The following KANK1 variants were observed in gnomAD, a reference collection of about 807,000 sequenced individuals.
The protein encoded by KANK1 is KN motif and ankyrin repeat domain-containing protein 1.
In KANK1, 109 loss-of-function variants were observed where a neutral mutation model predicts 106.2. That is an observed-to-expected ratio of 1.03 (90% CI 0.88 to 1.20). The LOEUF is 1.20. KANK1 is among the 50% of genes most tolerant of loss of function. The probability of loss-of-function intolerance (pLI) is 0.00; values close to 1 mark genes in which losing one functional copy is unlikely to be tolerated. For missense variants in KANK1, 2,399 were observed against 1,710.7 expected (o/e 1.40, Z -7.10); for synonymous variants, 873 against 652.2 (o/e 1.34, Z -5.16).
Position 710,882 on chromosome 9 carries a change from A to G in KANK1, c.116A>G (p.Tyr39Cys), listed in dbSNP as rs1456425477. ...DPYFVETPYG[Y>C]QLDLDFLKYV... The stretch of plus-strand genomic sequence containing the variant: ...TACTTTGTGGAGACCCCCTATGGTT[A>G]TCAACTAGACTTAGATTTCCTCAAA... Residue 39 changes from tyrosine to cysteine, a missense_variant, in exon 3 of 12, where the codon TAT (tyrosine) becomes TGT (cysteine). Transcript: ENST00000382297. The G allele has an allele frequency of 6.2e-7, 1 of 1,614,146 alleles. No individual in the cohort carries two copies. Among genetic ancestry groups the G allele is most frequent in the African/African-American group, 1.3e-5 (1 of 75,048 alleles).
At position 642,627 on chromosome 9, in the gene KANK1, C is replaced by G. The variant is rs541098779; in HGVS notation, c.-83-34263C>G. Reference sequence around the variant, plus strand: ...TATGAATTACCAGCTGATAAAATTCCCCTCCTTTGAGTGGGAGAAAAATTC... The same window carrying G: ...TATGAATTACCAGCTGATAAAATTCGCCTCCTTTGAGTGGGAGAAAAATTC... On this transcript the variant is annotated intron_variant, in intron 1 of 11. Coordinates refer to ENST00000382297, the MANE Select transcript of KANK1 (RefSeq NM_015158.5). Among the ~76,000 whole-genome samples, 50 of 150,924 alleles carry G rather than the reference C, an allele frequency of 3.3e-4. 1 individual carries two copies. The highest frequency in any genetic ancestry group is 1.2e-3 in the African/African-American group (49 of 40,276).
In KANK1 at chr9:713,990, G is replaced by A. The variant is rs547971965; in HGVS notation, c.2698+526G>A. On this transcript the variant is annotated intron_variant, in intron 3 of 11. Transcript: ENST00000382297. ...GCAATGGTACACATCCGTAGTCCCAGCTACTCTAGAGGCTGAGGCGGGAGG... is the reference window on the plus strand; with the variant it reads ...GCAATGGTACACATCCGTAGTCCCAACTACTCTAGAGGCTGAGGCGGGAGG... 2.6e-5 allele frequency among the ~76,000 whole-genome samples: 4 copies of A among 152,282 alleles called. No individual in the cohort carries two copies. The South Asian group carries it at 8.3e-4, about 32-fold the overall frequency.
chr9:641,797 TGGTTTTTTA>T (rs1346221706), intron 1 of KANK1, among the ~76,000 whole-genome samples: 1 of 152,238 alleles, frequency 6.6e-6, no homozygotes, highest in Non-Finnish European at 1.5e-5. Flanking sequence ...TCATACATTT[TGGTTTTTTA>T]AGGACTACTT....
At chr9:504,982 C>T (rs941383684) in intron 1 of KANK1, among the ~76,000 whole-genome samples, 44 of 150,846 alleles carry the variant, frequency 2.9e-4, no homozygotes, top group Non-Finnish European at 4.7e-4. Flanking sequence ...CGAGAGGTGG[C>T]GTCGGCCCCG....
At chr9:653,908 C>G (rs1056115453) in intron 1 of KANK1, among the ~76,000 whole-genome samples, 1 of 152,124 alleles carries the variant, frequency 6.6e-6, no homozygotes, top group Non-Finnish European at 1.5e-5. Context: ...CTTTTTAAAG[C>G]TCCCATCACA....
intron 1 of KANK1, among the ~76,000 whole-genome samples, chr9:676,496 A>G (rs1342349761): frequency 6.6e-6 from 1 of 152,218 alleles, no homozygotes; most frequent in African/African-American, 2.4e-5. Context: ...TTGCTTTGAA[A>G]TTGCAGTTGA....
At chr9:492,965 G>T (rs752778582) in intron 3 of KANK1, among the ~76,000 whole-genome samples, 25 of 151,214 alleles carry the variant, frequency 1.7e-4, no homozygotes, top group Non-Finnish European at 1.5e-5. Context: ...CAGAGGTTGC[G>T]GTGAGCTGAG....
chr9:586,314 T>G (rs1823452478), intron 1 of KANK1, among the ~76,000 whole-genome samples: 1 of 152,188 alleles, frequency 6.6e-6, no homozygotes. Context: ...TATTCAAGGT[T>G]ACAGGAATAG....
chr9:542,753 A>G (rs1291205937), intron 1 of KANK1, among the ~76,000 whole-genome samples: 2 of 152,216 alleles, frequency 1.3e-5, no homozygotes, highest in African/African-American at 4.8e-5. Flanking sequence ...ATTTGCAGCA[A>G]TATAGATGAA....
Position 745,168 on chromosome 9 carries a change from T to TA in KANK1, c.3997-5_3997-4insA. Reference sequence around the variant, plus strand: ...CCCCAGTTTTTTTCCTTTCCTGGTCTCTAGGGCACCCCTAGGCTTGGAAGG... The same window carrying TA: ...CCCCAGTTTTTTTCCTTTCCTGGTCTACTAGGGCACCCCTAGGCTTGGAAGG... On this transcript the variant is annotated splice_polypyrimidine_tract_variant and splice_region_variant and intron_variant, in intron 11 of 11. Coordinates refer to ENST00000382297, the MANE Select transcript of KANK1 (RefSeq NM_015158.5). 6.2e-7 allele frequency: 1 copy of TA among 1,613,852 alleles called. No individual in the cohort carries two copies. The highest frequency in any genetic ancestry group is 1.6e-4 in the Middle Eastern group (1 of 6,062).
intron 1 of KANK1, among the ~76,000 whole-genome samples, chr9:664,323 T>C (rs1844070079): frequency 6.6e-6 from 1 of 152,194 alleles, no homozygotes; most frequent in Non-Finnish European, 1.5e-5. Flanking sequence ...ACATGCGACA[T>C]TGTCTTTCTG....
At chr9:558,340 G>C (rs1815420799) in intron 1 of KANK1, among the ~76,000 whole-genome samples, 1 of 152,208 alleles carries the variant, frequency 6.6e-6, no homozygotes, top group Non-Finnish European at 1.5e-5. Flanking sequence ...AGTCGCTGTG[G>C]ACATAATTAG....
intron 1 of KANK1, among the ~76,000 whole-genome samples, chr9:666,373 T>C (rs1844583647): frequency 6.6e-6 from 1 of 152,204 alleles, no homozygotes; most frequent in African/African-American, 2.4e-5. Context: ...TTTTTAAAAA[T>C]AGAAGATCCT....
At position 672,298 on chromosome 9, in the gene KANK1, ATAACTGT is replaced by A. The variant is rs555293895; in HGVS notation, c.-83-4588_-83-4582del. On this transcript the variant is annotated intron_variant, in intron 1 of 11. Coordinates refer to ENST00000382297, the MANE Select transcript of KANK1 (RefSeq NM_015158.5). ...GTTGTTGTGAAGTTTAAACAAGGTAATAACTGTTAAGTGTTTTTAAAAGTCCCTTGAA... is the reference window on the plus strand; with the variant it reads ...GTTGTTGTGAAGTTTAAACAAGGTAATAAGTGTTTTTAAAAGTCCCTTGAA... Among the ~76,000 whole-genome samples the A allele has an allele frequency of 5.3e-3, 814 of 152,342 alleles. 8 individuals carry two copies. The highest frequency in any genetic ancestry group is 0.019 in the African/African-American group (780 of 41,574).
intron 1 of KANK1, among the ~76,000 whole-genome samples, chr9:513,630 G>A (rs893928008): frequency 1.3e-5 from 2 of 152,128 alleles, no homozygotes; most frequent in Admixed American, 6.5e-5. Context: ...CTTGGTTAGT[G>A]GCAAGAATGT....
intron 1 of KANK1, among the ~76,000 whole-genome samples, chr9:614,729 G>A (rs4373575): frequency 0.29 from 43,923 of 151,996 alleles, 6,728 homozygotes; most frequent in African/African-American, 0.36. Flanking sequence ...AAACTGCTGG[G>A]CTAGAGATTT....
intron 1 of KANK1, among the ~76,000 whole-genome samples, chr9:626,142 C>G (rs1005389357): frequency 2.0e-5 from 3 of 152,122 alleles, no homozygotes; most frequent in African/African-American, 7.2e-5. Flanking sequence ...AAATAAGCAA[C>G]TGTATTTTAA....
chr9:688,629 A>G, intron 2 of KANK1, among the ~76,000 whole-genome samples: 1 of 150,852 alleles, frequency 6.6e-6, no homozygotes, highest in Non-Finnish European at 1.5e-5. Context: ...AGAAAGAAAG[A>G]TGGTATTGTC....
chr9:564,287 TC>T (rs1817265869), intron 1 of KANK1, among the ~76,000 whole-genome samples: 1 of 151,934 alleles, frequency 6.6e-6, no homozygotes, highest in Admixed American at 6.6e-5. Flanking sequence ...GGTCTTGACC[TC>T]CTGACCTCAT....
Sources: allele counts gnomAD v4.1 joint callset (sites outside exome capture counted in the v4.1 genomes callset), GRCh38; gene constraint gnomAD v4.1.1; transcripts MANE v1.5; gene names NCBI Gene and HGNC (gene_info 2026-07-23, HGNC 2026-07-21).